The following ST6GAL1 variants were observed in gnomAD, a reference collection of about 807,000 sequenced individuals.
ST6GAL1 encodes ST6 beta-galactoside alpha-2,6-sialyltransferase 1.
In ST6GAL1, 20 loss-of-function variants were observed where a neutral mutation model predicts 38.0. The observed-to-expected ratio is 0.53, with a 90% CI of 0.37 to 0.77. ST6GAL1 has a LOEUF of 0.77. ST6GAL1 is among the 30% of genes least tolerant of loss of function. The pLI, the probability that ST6GAL1 is intolerant of heterozygous loss-of-function variation, is 0.00. For missense variants in ST6GAL1, 432 were observed against 496.4 expected, an observed-to-expected ratio of 0.87 and a Z score of 1.23; for synonymous variants, 196 against 188.2, an observed-to-expected ratio of 1.04 and a Z score of -0.34.
intron 4 of ST6GAL1, chr3:187,043,677 A>G (rs1579352902): frequency 1.3e-5 from 2 of 157,136 alleles, no homozygotes; most frequent in East Asian, 1.9e-4. Context: ...GGAACAGAAT[A>G]GTTTTATTTT....
intron 1 of ST6GAL1, among the ~76,000 whole-genome samples, chr3:186,945,043 G>GT: frequency 6.6e-6 from 1 of 152,248 alleles, no homozygotes; most frequent in East Asian, 1.9e-4. Context: ...CAGAGGCCAG[G>GT]TGAGGTGGCT....
At chr3:186,995,610 G>A (rs1301063511) in intron 2 of ST6GAL1, among the ~76,000 whole-genome samples, 1 of 152,026 alleles carries the variant, frequency 6.6e-6, no homozygotes, top group Non-Finnish European at 1.5e-5. Flanking sequence ...TTGGGAGGCT[G>A]AGGTGGGTGG....
chr3:186,938,574 A>G (rs1196994691), intron 1 of ST6GAL1, among the ~76,000 whole-genome samples: 3 of 152,172 alleles, frequency 2.0e-5, no homozygotes, highest in Non-Finnish European at 4.4e-5. Flanking sequence ...ACAGCAGGCC[A>G]TTGTTTGGTT....
intron 5 of ST6GAL1, among the ~76,000 whole-genome samples, chr3:187,068,974 C>A (rs1719267338): frequency 6.6e-6 from 1 of 152,228 alleles, no homozygotes; most frequent in Non-Finnish European, 1.5e-5. Flanking sequence ...GAAGCCTGCT[C>A]TGCCCTTGGA....
intron 2 of ST6GAL1, among the ~76,000 whole-genome samples, chr3:187,034,413 G>C (rs905049876): frequency 3.3e-5 from 5 of 152,142 alleles, no homozygotes; most frequent in Non-Finnish European, 7.4e-5. Context: ...TATGAAGCCA[G>C]CATTACCCTG....
intron 5 of ST6GAL1, among the ~76,000 whole-genome samples, chr3:187,070,424 CTT>C (rs34389560): frequency 0.24 from 23,528 of 98,712 alleles, 2,527 homozygotes; most frequent in Non-Finnish European, 0.28. Flanking sequence ...AACACTTGCT[CTT>C]TTTTTTTTTT....
chr3:186,968,588 A>G (rs1265952050), intron 2 of ST6GAL1, among the ~76,000 whole-genome samples: 4 of 151,968 alleles, frequency 2.6e-5, no homozygotes, highest in Non-Finnish European at 5.9e-5. Flanking sequence ...CTCACACTAT[A>G]GGTTCGTTTG....
chr3:187,069,393 A>T (rs1263103403), intron 5 of ST6GAL1, among the ~76,000 whole-genome samples: 1 of 152,122 alleles, frequency 6.6e-6, no homozygotes, highest in African/African-American at 2.4e-5. Context: ...CTCATCCTTG[A>T]ACTTCAAATT....
chr3:186,937,449 C>T (rs1714002256), intron 1 of ST6GAL1, among the ~76,000 whole-genome samples: 1 of 152,174 alleles, frequency 6.6e-6, no homozygotes, highest in African/African-American at 2.4e-5. Flanking sequence ...CCAGTCTGCC[C>T]TTGTGACCTT....
chr3:187,061,808 G>T (rs73055062), intron 5 of ST6GAL1, among the ~76,000 whole-genome samples: 15,108 of 152,022 alleles, frequency 0.099, 2,494 homozygotes, highest in African/African-American at 0.34. Flanking sequence ...ATCAGATTTG[G>T]CAATGATTTC....
chr3:187,054,575 G>T (rs555560765), intron 5 of ST6GAL1, among the ~76,000 whole-genome samples: 1 of 152,206 alleles, frequency 6.6e-6, no homozygotes, highest in African/African-American at 2.4e-5. Flanking sequence ...TTTTGTCATT[G>T]TTCTGTTTAT....
intron 1 of ST6GAL1, among the ~76,000 whole-genome samples, chr3:186,938,829 C>A (rs1476591051): frequency 6.6e-6 from 1 of 152,168 alleles, no homozygotes; most frequent in African/African-American, 2.4e-5. Flanking sequence ...CCCCAGATTA[C>A]GTGCAAGTAC....
At chr3:186,938,146 G>T (rs1046147335) in intron 1 of ST6GAL1, among the ~76,000 whole-genome samples, 53 of 152,224 alleles carry the variant, frequency 3.5e-4, no homozygotes, top group African/African-American at 1.2e-3. Flanking sequence ...ATTCCCATAG[G>T]GTAGTCCTAA....
At chr3:186,970,444 C>T (rs1715311872) in intron 2 of ST6GAL1, among the ~76,000 whole-genome samples, 1 of 150,838 alleles carries the variant, frequency 6.6e-6, no homozygotes, top group Non-Finnish European at 1.5e-5. Context: ...AGGATGGTCT[C>T]TGTCTCCTGA....
chr3:187,057,668 T>A (rs1189840929), intron 5 of ST6GAL1, among the ~76,000 whole-genome samples: 1 of 152,196 alleles, frequency 6.6e-6, no homozygotes, highest in Non-Finnish European at 1.5e-5. Flanking sequence ...CTGGAAGCTT[T>A]GTCCCAGTGG....
intron 5 of ST6GAL1, among the ~76,000 whole-genome samples, chr3:187,061,781 G>A (rs1718924287): frequency 1.3e-5 from 2 of 152,038 alleles, no homozygotes; most frequent in South Asian, 4.2e-4. Flanking sequence ...GACAACATAG[G>A]GCAAAAACTT....
intron 2 of ST6GAL1, among the ~76,000 whole-genome samples, chr3:186,983,737 C>T (rs1342785420): frequency 6.6e-6 from 1 of 152,124 alleles, no homozygotes; most frequent in African/African-American, 2.4e-5. Flanking sequence ...TTTGGGGATA[C>T]AGACACTGAG....
intron 2 of ST6GAL1, among the ~76,000 whole-genome samples, chr3:187,013,008 A>C (rs1717006569): frequency 6.6e-6 from 1 of 152,202 alleles, no homozygotes; most frequent in Non-Finnish European, 1.5e-5. Flanking sequence ...GTGAGGTGGA[A>C]GGGCTCAGGG....
At chr3:187,013,984 A>C (rs1717041878) in intron 2 of ST6GAL1, among the ~76,000 whole-genome samples, 1 of 152,204 alleles carries the variant, frequency 6.6e-6, no homozygotes, top group East Asian at 1.9e-4. Context: ...TCATCCTTGA[A>C]AATGAAGACT....
Sources: gnomAD v4.1 joint callset for allele counts (sites outside exome capture counted in the v4.1 genomes callset) on GRCh38, gnomAD v4.1.1 for gene constraint, MANE v1.5 for transcripts, NCBI Gene and HGNC (gene_info 2026-07-23, HGNC 2026-07-21) for gene names.